Variants in CFTR observed in about 807,000 individuals in gnomAD.
The protein encoded by CFTR is cystic fibrosis transmembrane conductance regulator.
Under a neutral mutation model 171.6 loss-of-function variants are expected in CFTR, and 181 were observed. That is an observed-to-expected ratio of 1.05 (90% CI 0.93 to 1.19). The LOEUF is 1.19. CFTR is among the 50% of genes most tolerant of loss of function. CFTR has a pLI of 0.00. For missense variants in CFTR, 1,968 were observed against 1,734.7 expected (o/e 1.13, Z -2.39); for synonymous variants, 583 against 608.0 (o/e 0.96, Z 0.60).
intron 21 of CFTR, among the ~76,000 whole-genome samples, chr7:117,619,631 T>C (rs1222467673): frequency 6.7e-6 from 1 of 150,178 alleles, no homozygotes; most frequent in Non-Finnish European, 1.5e-5. Context: ...ATGTGAATAT[T>C]ATTCTGTTTC....
In CFTR at chr7:117,547,499, T is replaced by C. The variant is rs1160576468; in HGVS notation, c.1210-1142T>C. On this transcript the variant is annotated intron_variant, in intron 9 of 26. Coordinates refer to ENST00000003084, the MANE Select transcript of CFTR (RefSeq NM_000492.4). Reference sequence around the variant, plus strand: ...AAATACAGATAAGTAATAACTATTATTAATTAATTAAATTATTAAAATTAA... The same window carrying C: ...AAATACAGATAAGTAATAACTATTACTAATTAATTAAATTATTAAAATTAA... Among the ~76,000 whole-genome samples, 9 of 151,876 alleles carry C rather than the reference T, an allele frequency of 5.9e-5. No homozygotes were observed. In the East Asian group the frequency reaches 1.5e-3, roughly 26 times the overall value.
At chr7:117,522,200 T>A (rs539673550) in intron 3 of CFTR, among the ~76,000 whole-genome samples, 1 of 152,322 alleles carries the variant, frequency 6.6e-6, no homozygotes, top group African/African-American at 2.4e-5. Flanking sequence ...ACTTTCATCC[T>A]TCTGAGTAGA....
rs3832534 is a variant in CFTR, at chr7:117,548,606, A to ATGTGTGTG, written c.1210-19_1210-12dup. ...CTGACAAACTCATCTTTTATTTTTG[A>ATGTGTGTG]TGTGTGTGTGTGTGTGTGTGTGTTT... On this transcript the variant is annotated intron_variant, in intron 9 of 26. Transcript: ENST00000003084. 25 of 1,514,034 alleles carry ATGTGTGTG rather than the reference A, an allele frequency of 1.7e-5. No individual in the cohort carries two copies. The highest frequency in any genetic ancestry group is 9.0e-5 in the Admixed American group (5 of 55,784). The allele number at this position is 1,514,034 out of a possible 1,614,324, so 93.8% of individuals were successfully genotyped here. A position where few individuals can be genotyped will look rare whatever the true frequency, so the allele number is the denominator to read the frequency against.
chr7:117,506,372 G>A (rs556771515), intron 2 of CFTR, among the ~76,000 whole-genome samples: 8 of 151,982 alleles, frequency 5.3e-5, no homozygotes, highest in African/African-American at 1.9e-4. Context: ...TCAGCCTCTC[G>A]AGTAGCTGGG....
At position 117,667,232 on chromosome 7, in the gene CFTR, GT is replaced by G. The variant is rs145697705; in HGVS notation, c.*133del. On this transcript the variant is annotated 3_prime_UTR_variant, in exon 27 of 27. Coordinates refer to ENST00000003084, the MANE Select transcript of CFTR (RefSeq NM_000492.4). The stretch of plus-strand genomic sequence containing the variant: ...GCCTCAGAAAACAAGGATGAATTAA[GT>G]TTTTTTTTAAAAAAGAAACATTTGG... The G allele has an allele frequency of 0.35, 306,518 of 864,096 alleles. 64,050 individuals are homozygous for G. The highest frequency in any genetic ancestry group is 0.8 in the African/African-American group (47,113 of 58,602). 53.5% of individuals were successfully genotyped at this position (864,096 alleles called of 1,614,324 possible). A position where few individuals can be genotyped will look rare whatever the true frequency, so the allele number is the denominator to read the frequency against.
At chr7:117,536,101 T>C (rs1387128795) in intron 6 of CFTR, among the ~76,000 whole-genome samples, 1 of 152,166 alleles carries the variant, frequency 6.6e-6, no homozygotes, top group Non-Finnish European at 1.5e-5. Flanking sequence ...CTAATATGAG[T>C]GAATGAATGA....
At chr7:117,608,019 A>C (rs1442085530) in intron 18 of CFTR, among the ~76,000 whole-genome samples, 1 of 152,192 alleles carries the variant, frequency 6.6e-6, no homozygotes, top group Non-Finnish European at 1.5e-5. Context: ...AAAAACTGGA[A>C]TGTGAACCTC....
intron 1 of CFTR, among the ~76,000 whole-genome samples, chr7:117,490,010 T>G (rs1798132494): frequency 6.6e-6 from 1 of 151,880 alleles, no homozygotes; most frequent in Non-Finnish European, 1.5e-5. Flanking sequence ...ATTTGTATCC[T>G]TAGAAAATGA....
chr7:117,599,574 C>T (rs373985268), intron 15 of CFTR, among the ~76,000 whole-genome samples: 12 of 152,136 alleles, frequency 7.9e-5, no homozygotes, highest in African/African-American at 2.9e-4. Flanking sequence ...TGATATTGCC[C>T]TTTTCTGGAA....
chr7:117,503,555 C>T (rs1313619494), intron 1 of CFTR, among the ~76,000 whole-genome samples: 1 of 152,114 alleles, frequency 6.6e-6, no homozygotes, highest in Non-Finnish European at 1.5e-5. Context: ...CTACGGTATC[C>T]TGCATAGTGA....
At chr7:117,495,052 C>A (rs535481849) in intron 1 of CFTR, among the ~76,000 whole-genome samples, 26 of 152,204 alleles carry the variant, frequency 1.7e-4, no homozygotes, top group Non-Finnish European at 2.8e-4. Context: ...AATCCATTTC[C>A]CCTTTTCCTT....
At chr7:117,587,973 A>AATCAC in intron 12 of CFTR, 140 bp downstream of exon 12, 1 of 660,954 alleles carries the variant, frequency 1.5e-6, no homozygotes. Context: ...GTGGGTTAAG[A>AATCAC]ATCACATTTA....
chr7:117,600,933 C>T (rs879361451), intron 15 of CFTR, among the ~76,000 whole-genome samples: 2 of 151,938 alleles, frequency 1.3e-5, no homozygotes, highest in Non-Finnish European at 2.9e-5. Flanking sequence ...ATATTTTGTT[C>T]TACTCAATAG....
chr7:117,490,319 A>ACG (rs1241167594), intron 1 of CFTR, among the ~76,000 whole-genome samples: 1 of 119,860 alleles, frequency 8.3e-6, no homozygotes, highest in African/African-American at 5.1e-5. Context: ...TGATACACAC[A>ACG]CACACACACA....
chr7:117,597,597 C>G (rs1428073274), intron 15 of CFTR, among the ~76,000 whole-genome samples: 1 of 152,176 alleles, frequency 6.6e-6, no homozygotes, highest in Non-Finnish European at 1.5e-5. Context: ...CACAGCTGCT[C>G]TAGATATTTT....
intron 21 of CFTR, among the ~76,000 whole-genome samples, chr7:117,622,308 A>G (rs954978843): frequency 2.0e-5 from 3 of 152,108 alleles, no homozygotes; most frequent in Admixed American, 6.6e-5. Context: ...TTTTCTTGCT[A>G]TTATCTCTTA....
intron 1 of CFTR, among the ~76,000 whole-genome samples, chr7:117,483,019 A>T (rs1395017337): frequency 6.6e-6 from 1 of 152,242 alleles, no homozygotes; most frequent in Non-Finnish European, 1.5e-5. Flanking sequence ...AGAGTAAAAT[A>T]TTGTTAGGAT....
Position 117,534,152 on chromosome 7 carries a change from T to C in CFTR, c.490-124T>C. Reference sequence around the variant, plus strand: ...GATAGTAAGCTAGATGAATAGAATATAATTTTCATTACCTTTACTTAATAA... The same window carrying C: ...GATAGTAAGCTAGATGAATAGAATACAATTTTCATTACCTTTACTTAATAA... On this transcript the variant is annotated intron_variant, in intron 4 of 26. Transcript: ENST00000003084. 3 of 630,092 alleles carry C rather than the reference T, an allele frequency of 4.8e-6. No homozygotes were observed. In the South Asian group the frequency reaches 5.6e-5, roughly 12 times the overall value. The allele number at this position is 630,092 out of a possible 1,614,324, so 39.0% of individuals were successfully genotyped here. A position where few individuals can be genotyped will look rare whatever the true frequency, so the allele number is the denominator to read the frequency against.
rs77466399 is a variant in CFTR at position 117,613,681 on chromosome 7, C to T, written c.3368-932C>T. Among the ~76,000 whole-genome samples the T allele has an allele frequency of 7.4e-3, 1,131 of 152,132 alleles. 4 individuals are homozygous for T. The highest frequency in any genetic ancestry group is 0.013 in the Non-Finnish European group (855 of 68,004). Reference sequence around the variant, plus strand: ...TTGCCTATATGAAAATAATTTAATACTACATGCAGATATATGCTGTGTATA... The same window carrying T: ...TTGCCTATATGAAAATAATTTAATATTACATGCAGATATATGCTGTGTATA... On this transcript the variant is annotated intron_variant, in intron 20 of 26. Coordinates refer to ENST00000003084, the MANE Select transcript of CFTR (RefSeq NM_000492.4).
Sources: allele counts gnomAD v4.1 joint callset (sites outside exome capture counted in the v4.1 genomes callset), GRCh38; gene constraint gnomAD v4.1.1; transcripts MANE v1.5; gene names NCBI Gene and HGNC (gene_info 2026-07-23, HGNC 2026-07-21).